Variants in SND1 observed in about 807,000 individuals in gnomAD.
SND1 encodes the protein staphylococcal nuclease domain-containing protein 1.
In SND1, 38 loss-of-function variants were observed where a neutral mutation model predicts 121.7. That is an observed-to-expected ratio of 0.31 (90% CI 0.24 to 0.41). The LOEUF (loss-of-function observed/expected upper bound fraction) is 0.41, where lower values mean the gene tolerates loss of function less well. Ranked by LOEUF, SND1 falls within the 10% of genes least tolerant of loss-of-function variation. The pLI is 1.00. For missense variants in SND1, 868 were observed against 1,184.6 expected, an observed-to-expected ratio of 0.73 and a Z score of 3.92; for synonymous variants, 401 against 447.4, an observed-to-expected ratio of 0.90 and a Z score of 1.31.
intron 11 of SND1, among the ~76,000 whole-genome samples, chr7:127,829,408 T>A (rs1459117590): frequency 6.6e-6 from 1 of 151,824 alleles, no homozygotes; most frequent in Non-Finnish European, 1.5e-5. Flanking sequence ...ACTTTTAATT[T>A]AAAAAAAATG....
chr7:127,836,799 G>T (rs1482252747), intron 11 of SND1, among the ~76,000 whole-genome samples: 1 of 151,842 alleles, frequency 6.6e-6, no homozygotes, highest in African/African-American at 2.4e-5. Context: ...CAAACACTAA[G>T]GTAAAGAATT....
At chr7:127,810,362 T>C (rs1798314146) in intron 11 of SND1, among the ~76,000 whole-genome samples, 1 of 152,164 alleles carries the variant, frequency 6.6e-6, no homozygotes, top group Non-Finnish European at 1.5e-5. Flanking sequence ...GTGTGTATCC[T>C]TGAAGCATTT....
At chr7:127,997,879 G>T (rs1412437590) in intron 16 of SND1, 1 of 534,648 alleles carries the variant, frequency 1.9e-6, no homozygotes, top group Non-Finnish European at 3.8e-6. Flanking sequence ...TCTGGAAGGT[G>T]CACCACCTTT....
intron 15 of SND1, among the ~76,000 whole-genome samples, chr7:127,948,726 T>C (rs1160656018): frequency 1.3e-5 from 2 of 152,214 alleles, no homozygotes; most frequent in Non-Finnish European, 2.9e-5. Flanking sequence ...CCAGCTTCTT[T>C]GGGGCAAGCT....
rs559825620 is a variant in SND1 at position 127,820,305 on chromosome 7, A to G, written c.1242+12732A>G. 5.3e-5 allele frequency among the ~76,000 whole-genome samples: 8 copies of G among 152,328 alleles called. No individual in the cohort carries two copies. In the South Asian group the frequency reaches 6.2e-4, roughly 12 times the overall value. On this transcript the variant is annotated intron_variant, in intron 11 of 23. Coordinates refer to ENST00000354725, the MANE Select transcript of SND1 (RefSeq NM_014390.4). ...ATGGCTTTAGGAATCCAGTGCCATC[A>G]GAATGATTGACTTCTTGACATTAGC...
chr7:127,659,037 T>C (rs1325586762), intron 1 of SND1, among the ~76,000 whole-genome samples: 1 of 152,216 alleles, frequency 6.6e-6, no homozygotes, highest in African/African-American at 2.4e-5. Context: ...TTACATACTG[T>C]AGGAAATTTT....
intron 16 of SND1, among the ~76,000 whole-genome samples, chr7:127,991,330 C>T (rs1802520025): frequency 6.6e-6 from 1 of 152,242 alleles, no homozygotes; most frequent in South Asian, 2.1e-4. Context: ...TACATCTTTG[C>T]ATTCTTCCTC....
intron 15 of SND1, among the ~76,000 whole-genome samples, chr7:127,975,352 C>A (rs940288761): frequency 1.3e-5 from 2 of 151,584 alleles, no homozygotes; most frequent in Admixed American, 6.6e-5. Context: ...CATGTGCGCA[C>A]GCGCGTGTGT....
chr7:128,065,289 A>G (rs1183314033), intron 16 of SND1, among the ~76,000 whole-genome samples: 5 of 152,254 alleles, frequency 3.3e-5, no homozygotes, highest in African/African-American at 7.2e-5. Flanking sequence ...TCTTAACAGC[A>G]AAGTGTGGGT....
chr7:128,014,435 G>A (rs771150581), intron 16 of SND1, among the ~76,000 whole-genome samples: 1 of 152,152 alleles, frequency 6.6e-6, no homozygotes, highest in Non-Finnish European at 1.5e-5. Context: ...CTGATAATAC[G>A]AGCCTGGCGC....
intron 16 of SND1, among the ~76,000 whole-genome samples, chr7:128,035,119 T>C (rs1792724005): frequency 6.6e-6 from 1 of 152,246 alleles, no homozygotes; most frequent in Non-Finnish European, 1.5e-5. Flanking sequence ...CCTGGTATTA[T>C]AGAATGAGCC....
chr7:127,858,078 A>G (rs1799314564), intron 12 of SND1: 3 of 1,053,792 alleles, frequency 2.8e-6, no homozygotes, highest in Non-Finnish European at 4.5e-6. Context: ...CTCTCTGGGT[A>G]GGGGTTGGGG....
chr7:128,030,429 T>C, intron 16 of SND1: 2 of 1,613,886 alleles, frequency 1.2e-6, no homozygotes, highest in African/African-American at 1.3e-5. Context: ...GGGAATACCC[T>C]GCGGGACCTC....
At chr7:127,939,155 A>G (rs534029740) in intron 15 of SND1, among the ~76,000 whole-genome samples, 2 of 152,352 alleles carry the variant, frequency 1.3e-5, no homozygotes, top group South Asian at 4.1e-4. Context: ...GAACGCAGAG[A>G]GGAGTGGAGC....
intron 9 of SND1, among the ~76,000 whole-genome samples, chr7:127,715,817 G>C (rs1433741283): frequency 6.6e-6 from 1 of 152,076 alleles, no homozygotes; most frequent in Non-Finnish European, 1.5e-5. Context: ...TCTGCCCTGT[G>C]TTTTCTGCTA....
At chr7:128,091,799 C>T in intron 22 of SND1, 38 bp from the exon 23 acceptor site, 1 of 1,610,718 alleles carries the variant, frequency 6.2e-7, no homozygotes, top group South Asian at 1.1e-5. Flanking sequence ...CATTTGAGGG[C>T]AACTCTGACC....
intron 10 of SND1, among the ~76,000 whole-genome samples, chr7:127,770,451 A>G (rs1797494206): frequency 6.6e-6 from 1 of 151,722 alleles, no homozygotes. Context: ...GCATACCTGC[A>G]CTAATTAGAT....
chr7:127,855,743 CCT>C (rs1376394620), intron 12 of SND1, among the ~76,000 whole-genome samples: 1 of 152,136 alleles, frequency 6.6e-6, no homozygotes, highest in East Asian at 1.9e-4. Flanking sequence ...CTCTTTCCCA[CCT>C]CTCTCTCACA....
At chr7:127,980,644 A>G (rs1802237687) in intron 15 of SND1, among the ~76,000 whole-genome samples, 1 of 152,188 alleles carries the variant, frequency 6.6e-6, no homozygotes, top group South Asian at 2.1e-4. Flanking sequence ...TTTGAGTGAA[A>G]GCTCAAAAAA....
Sources: gnomAD v4.1 joint callset for allele counts (sites outside exome capture counted in the v4.1 genomes callset) on GRCh38, gnomAD v4.1.1 for gene constraint, MANE v1.5 for transcripts, NCBI Gene and HGNC (gene_info 2026-07-23, HGNC 2026-07-21) for gene names.